The following TASP1 variants were observed in gnomAD, a reference collection of about 807,000 sequenced individuals.
TASP1 encodes the protein threonine aspartase 1.
A neutral mutation model predicts 56.6 loss-of-function variants in TASP1; 16 were observed. The observed-to-expected ratio is 0.28, with a 90% CI of 0.19 to 0.43. The LOEUF is 0.43. Ranked by LOEUF, TASP1 falls within the 20% of genes least tolerant of loss-of-function variation. TASP1 has a pLI of 1.00. For missense variants in TASP1, 393 were observed against 511.6 expected, an observed-to-expected ratio of 0.77 and a Z score of 2.24; for synonymous variants, 179 against 184.2, an observed-to-expected ratio of 0.97 and a Z score of 0.23.
intron 10 of TASP1, among the ~76,000 whole-genome samples, chr20:13,511,822 T>C (rs964903305): frequency 6.8e-6 from 1 of 146,508 alleles, no homozygotes; most frequent in African/African-American, 2.5e-5. Context: ...GTTCTCATTG[T>C]TCAATTCTCA....
chr20:13,399,729 T>G (rs2041667639), intron 13 of TASP1, among the ~76,000 whole-genome samples: 1 of 152,182 alleles, frequency 6.6e-6, no homozygotes, highest in Non-Finnish European at 1.5e-5. Flanking sequence ...GAGTCACCTC[T>G]TAAGATGTAA....
the TASP1 span, among the ~76,000 whole-genome samples, chr20:13,153,626 G>A: frequency 6.6e-6 from 1 of 152,102 alleles, no homozygotes; most frequent in Non-Finnish European, 1.5e-5. Flanking sequence ...GAAGTGTGGG[G>A]GGTGGGGGAA....
chr20:13,485,243 C>G (rs1357473215), intron 10 of TASP1, among the ~76,000 whole-genome samples: 2 of 152,074 alleles, frequency 1.3e-5, no homozygotes, highest in Non-Finnish European at 2.9e-5. Flanking sequence ...TTGACTATTA[C>G]ATTAGTCATA....
the TASP1 span, among the ~76,000 whole-genome samples, chr20:13,358,040 T>A: frequency 1.3e-5 from 2 of 152,114 alleles, no homozygotes; most frequent in African/African-American, 4.8e-5. Flanking sequence ...AAATGGCCGG[T>A]CCTTGCCTTA....
the TASP1 span, chr20:13,292,611 A>AG: frequency 1.6e-6 from 1 of 631,282 alleles, no homozygotes; most frequent in Non-Finnish European, 2.8e-6. Flanking sequence ...TGCTTGCTGA[A>AG]TATACTTCAA....
At chr20:13,246,762 T>G in the TASP1 span, among the ~76,000 whole-genome samples, 1 of 152,234 alleles carries the variant, frequency 6.6e-6, no homozygotes, top group Admixed American at 6.5e-5. Context: ...TGATTTGGGA[T>G]TCTCCATTCA....
chr20:13,359,670 A>G, the TASP1 span, among the ~76,000 whole-genome samples: 1 of 143,362 alleles, frequency 7.0e-6, no homozygotes, highest in Non-Finnish European at 1.5e-5. Context: ...CTTAGACAAT[A>G]CTCTTTTAAG....
chr20:13,121,160 G>A, the TASP1 span, among the ~76,000 whole-genome samples: 98 of 152,330 alleles, frequency 6.4e-4, no homozygotes, highest in African/African-American at 2.1e-3. Context: ...CCACCTGCAT[G>A]CCTGGTGCCG....
chr20:13,207,216 G>A, the TASP1 span, among the ~76,000 whole-genome samples: 1 of 152,180 alleles, frequency 6.6e-6, no homozygotes, highest in Non-Finnish European at 1.5e-5. Flanking sequence ...GTCAGGTCAA[G>A]GTCTGCTCCA....
chr20:13,584,302 TTAAG>T (rs1568613132), intron 5 of TASP1, among the ~76,000 whole-genome samples: 1 of 151,928 alleles, frequency 6.6e-6, no homozygotes, highest in African/African-American at 2.4e-5. Context: ...ATGAGAGACT[TTAAG>T]AAATACAAAA....
chr20:13,550,469 T>C (rs1254906612), intron 8 of TASP1, among the ~76,000 whole-genome samples: 4 of 151,996 alleles, frequency 2.6e-5, no homozygotes, highest in African/African-American at 9.7e-5. Context: ...TTTCAGTATA[T>C]TACCTACAAC....
At chr20:13,402,088 T>C (rs1286285466) in intron 13 of TASP1, among the ~76,000 whole-genome samples, 1 of 152,212 alleles carries the variant, frequency 6.6e-6, no homozygotes, top group Admixed American at 6.5e-5. Context: ...TTTGCAAAGA[T>C]CTTACCCTAC....
chr20:13,169,361 T>C, the TASP1 span, among the ~76,000 whole-genome samples: 1 of 152,196 alleles, frequency 6.6e-6, no homozygotes, highest in Non-Finnish European at 1.5e-5. Context: ...GAGAGCTGTC[T>C]GTTAAACATT....
intron 10 of TASP1, among the ~76,000 whole-genome samples, chr20:13,486,070 A>T (rs1162122796): frequency 6.6e-6 from 1 of 152,202 alleles, no homozygotes; most frequent in Non-Finnish European, 1.5e-5. Flanking sequence ...GACATTGATC[A>T]TCTTTAACAA....
chr20:13,316,258 C>A, the TASP1 span, among the ~76,000 whole-genome samples: 2 of 151,856 alleles, frequency 1.3e-5, no homozygotes, highest in Non-Finnish European at 2.9e-5. Flanking sequence ...AACAGACAAT[C>A]TGAAAAGGTC....
chr20:13,133,333 A>G, the TASP1 span, among the ~76,000 whole-genome samples: 1 of 152,182 alleles, frequency 6.6e-6, no homozygotes. Context: ...CTGCTAGTCC[A>G]GGGACCAGCC....
chr20:13,315,384 A>C, the TASP1 span, among the ~76,000 whole-genome samples: 1 of 152,034 alleles, frequency 6.6e-6, no homozygotes. Flanking sequence ...GGAAAGTAGC[A>C]GTAGCTATCT....
the TASP1 span, among the ~76,000 whole-genome samples, chr20:13,345,594 G>A: frequency 6.6e-6 from 1 of 152,208 alleles, no homozygotes; most frequent in Non-Finnish European, 1.5e-5. Context: ...CTGGGGGAGG[G>A]AGGGAGGTCT....
intron 10 of TASP1, among the ~76,000 whole-genome samples, chr20:13,498,331 TTGTGTGTGTGTGTGTGTGTGTGTGTGTG>T (rs60099056): frequency 1.5e-5 from 2 of 135,010 alleles, no homozygotes; most frequent in Non-Finnish European, 3.1e-5. Context: ...TTCTTTTCTT[TTGTGTGTGTGTGTGTGTGTGTGTGTGTG>T]TGTGTGTGTG....
Sources: allele counts gnomAD v4.1 joint callset (sites outside exome capture counted in the v4.1 genomes callset), GRCh38; gene constraint gnomAD v4.1.1; transcripts MANE v1.5; gene names NCBI Gene and HGNC (gene_info 2026-07-23, HGNC 2026-07-21).